Variants in RABGAP1L observed in about 807,000 individuals in gnomAD.
RABGAP1L encodes the protein rab GTPase-activating protein 1-like.
A neutral mutation model predicts 137.7 loss-of-function variants in RABGAP1L; 63 were observed. The observed-to-expected ratio is 0.46, with a 90% CI of 0.37 to 0.56. RABGAP1L has a LOEUF of 0.56. Ranked by LOEUF, RABGAP1L falls within the 20% of genes least tolerant of loss-of-function variation. The probability of loss-of-function intolerance (pLI) is 0.00; values close to 1 mark genes in which losing one functional copy is unlikely to be tolerated. For missense variants in RABGAP1L, 1,095 were observed against 1,244.0 expected (o/e 0.88, Z 1.80); for synonymous variants, 431 against 433.7 (o/e 0.99, Z 0.08).
intron 13 of RABGAP1L, among the ~76,000 whole-genome samples, chr1:174,617,796 C>A (rs560724887): frequency 6.6e-6 from 1 of 152,178 alleles, no homozygotes; most frequent in Non-Finnish European, 1.5e-5. Context: ...GCGTGAGCGA[C>A]GCAGAAGACG....
At chr1:174,176,741 A>AAAAAATAATAAAAT (rs755688394) in intron 1 of RABGAP1L, among the ~76,000 whole-genome samples, 2 of 111,778 alleles carry the variant, frequency 1.8e-5, no homozygotes, top group African/African-American at 7.1e-5. Flanking sequence ...AAAAAAAAAA[A>AAAAAATAATAAAAT]AAAAAGGTCA....
At chr1:174,317,133 A>G (rs1200307973) in intron 11 of RABGAP1L, among the ~76,000 whole-genome samples, 2 of 151,864 alleles carry the variant, frequency 1.3e-5, no homozygotes, top group Non-Finnish European at 2.9e-5. Flanking sequence ...TTAGTGCTCT[A>G]CTTCCCTGTG....
At chr1:174,883,025 T>C (rs977564024) in intron 19 of RABGAP1L, among the ~76,000 whole-genome samples, 1 of 152,118 alleles carries the variant, frequency 6.6e-6, no homozygotes, top group Non-Finnish European at 1.5e-5. Context: ...GCTTTCACCA[T>C]GTTGGCCAAG....
intron 13 of RABGAP1L, among the ~76,000 whole-genome samples, chr1:174,573,968 T>C (rs1469494502): frequency 6.6e-6 from 1 of 152,222 alleles, no homozygotes; most frequent in Non-Finnish European, 1.5e-5. Flanking sequence ...AGAAAGGGAA[T>C]GTTTTCAATA....
rs557881836 is a variant in RABGAP1L at position 174,805,455 on chromosome 1, T to C, written c.2212-6377T>C. Among the ~76,000 whole-genome samples, 3 of 152,314 alleles carry C rather than the reference T, an allele frequency of 2.0e-5. No individual in the cohort carries two copies. The South Asian group carries it at 6.2e-4, about 32-fold the overall frequency. ...GAAAGCTCAGGGAGCAAAAGACGGT[T>C]GTGTAGTAGAGCCACTAATTTCAAA... On this transcript the variant is annotated intron_variant, in intron 18 of 25. Coordinates refer to ENST00000681986, the MANE Select transcript of RABGAP1L (RefSeq NM_001366446.1).
At chr1:174,558,696 AC>A (rs1667029729) in intron 13 of RABGAP1L, among the ~76,000 whole-genome samples, 1 of 152,326 alleles carries the variant, frequency 6.6e-6, no homozygotes, top group South Asian at 2.1e-4. Flanking sequence ...GCTAATTAAT[AC>A]CTTATATATC....
In RABGAP1L at chr1:174,699,542, A is replaced by T. The variant is rs775708868; in HGVS notation, c.1917A>T (p.Ala639=). 6 of 1,612,626 alleles carry T rather than the reference A, an allele frequency of 3.7e-6. No homozygotes were observed. Among genetic ancestry groups the T allele is most frequent in the Non-Finnish European group, 5.1e-6 (6 of 1,179,030 alleles). The change falls in exon 16 of 26, where the codon GCA becomes GCT. Residue 639 remains alanine (A), a synonymous_variant. Coordinates refer to ENST00000681986, the MANE Select transcript of RABGAP1L (RefSeq NM_001366446.1). The part of the protein sequence containing the change: ...VLLLHMPEEQ[A]FCVLVKIMYD... Reference sequence around the variant, plus strand: ...TTCTGTAGATGCCAGAGGAACAAGCATTCTGTGTTTTGGTGAAAATCATGT... The same window carrying T: ...TTCTGTAGATGCCAGAGGAACAAGCTTTCTGTGTTTTGGTGAAAATCATGT...
At chr1:174,715,045 T>G (rs1422041473) in intron 17 of RABGAP1L, among the ~76,000 whole-genome samples, 1 of 152,174 alleles carries the variant, frequency 6.6e-6, no homozygotes, top group African/African-American at 2.4e-5. Flanking sequence ...AATTATAATT[T>G]GGTCCTCAGG....
intron 20 of RABGAP1L, chr1:174,964,847 G>A (rs1669474075): frequency 7.0e-7 from 1 of 1,423,252 alleles, no homozygotes; most frequent in Non-Finnish European, 9.2e-7. Context: ...AAGCAAAAGA[G>A]CATTAAGAAG....
intron 19 of RABGAP1L, among the ~76,000 whole-genome samples, chr1:174,858,560 C>T (rs999611841): frequency 8.5e-5 from 13 of 152,134 alleles, no homozygotes; most frequent in African/African-American, 2.4e-4. Context: ...AAAACTCTTC[C>T]GTATGTGACT....
intron 22 of RABGAP1L, among the ~76,000 whole-genome samples, chr1:174,978,010 T>A (rs1670799175): frequency 6.6e-6 from 1 of 152,200 alleles, no homozygotes; most frequent in African/African-American, 2.4e-5. Context: ...TTATTCTGAT[T>A]ATGTACTTAA....
At chr1:174,430,944 C>G (rs1652560052) in intron 13 of RABGAP1L, among the ~76,000 whole-genome samples, 1 of 152,120 alleles carries the variant, frequency 6.6e-6, no homozygotes. Flanking sequence ...TTCTATACTT[C>G]ATGGCTTTTT....
rs150760291 is a variant in RABGAP1L at position 174,586,661 on chromosome 1, G to A, written c.1711-50714G>A. The stretch of plus-strand genomic sequence containing the variant: ...TGCCCAGGCTGGAGTGCAATGGCAC[G>A]ATCTTGGCTCACTGCAACCTCCACC... On this transcript the variant is annotated intron_variant, in intron 13 of 25. Coordinates refer to ENST00000681986, the MANE Select transcript of RABGAP1L (RefSeq NM_001366446.1). 9.0e-3 allele frequency among the ~76,000 whole-genome samples: 1,374 copies of A among 152,120 alleles called. 21 individuals are homozygous for A. Among genetic ancestry groups the A allele is most frequent in the African/African-American group, 0.032 (1,313 of 41,494 alleles).
At chr1:174,732,740 G>A (rs1682593445) in intron 17 of RABGAP1L, among the ~76,000 whole-genome samples, 1 of 152,146 alleles carries the variant, frequency 6.6e-6, no homozygotes, top group African/African-American at 2.4e-5. Flanking sequence ...ACTAGAACAG[G>A]AGGGATATTT....
intron 5 of RABGAP1L, among the ~76,000 whole-genome samples, chr1:174,248,132 T>C (rs973949395): frequency 1.3e-5 from 2 of 152,216 alleles, no homozygotes; most frequent in Non-Finnish European, 2.9e-5. Context: ...TTTTCCTCTA[T>C]AAACACTTGA....
chr1:174,232,760 CAA>C (rs374392523), intron 4 of RABGAP1L, among the ~76,000 whole-genome samples: 66 of 121,884 alleles, frequency 5.4e-4, no homozygotes, highest in African/African-American at 1.6e-3. Flanking sequence ...GACGCCATCT[CAA>C]AAAAAAAAAA....
intron 13 of RABGAP1L, among the ~76,000 whole-genome samples, chr1:174,486,398 G>A (rs1659660323): frequency 1.3e-5 from 2 of 148,634 alleles, no homozygotes; most frequent in Admixed American, 1.3e-4. Context: ...CCAGGCTGGA[G>A]TGCAGTGGCG....
intron 19 of RABGAP1L, among the ~76,000 whole-genome samples, chr1:174,844,832 C>G (rs1479025169): frequency 1.4e-5 from 1 of 69,150 alleles, no homozygotes; most frequent in African/African-American, 5.1e-5. Context: ...GCCATTTTCA[C>G]GATATTGATT....
chr1:174,425,317 G>A (rs1651823905), intron 13 of RABGAP1L, among the ~76,000 whole-genome samples: 1 of 151,884 alleles, frequency 6.6e-6, no homozygotes, highest in South Asian at 2.1e-4. Context: ...AGAACTTAAA[G>A]ACATCTAATC....
Sources: allele counts gnomAD v4.1 joint callset (sites outside exome capture counted in the v4.1 genomes callset), GRCh38; gene constraint gnomAD v4.1.1; transcripts MANE v1.5; gene names NCBI Gene and HGNC (gene_info 2026-07-23, HGNC 2026-07-21).